Variants in RABGAP1L observed in about 807,000 individuals in gnomAD.
RABGAP1L encodes rab GTPase-activating protein 1-like.
Under a neutral mutation model 137.7 loss-of-function variants are expected in RABGAP1L, and 63 were observed. That is an observed-to-expected ratio of 0.46 (90% CI 0.37 to 0.56). RABGAP1L has a LOEUF of 0.56. RABGAP1L is among the 20% of genes least tolerant of loss of function. The pLI is 0.00. For synonymous variants in RABGAP1L, 431 were observed against 433.7 expected (o/e 0.99, Z 0.08); for missense variants, 1,095 against 1,244.0 (o/e 0.88, Z 1.80).
rs1252819720 is a variant in RABGAP1L at position 174,661,074 on chromosome 1, G to C, written c.1825-22448G>C. On this transcript the variant is annotated intron_variant, in intron 14 of 25. Coordinates refer to ENST00000681986, the MANE Select transcript of RABGAP1L (RefSeq NM_001366446.1). ...AGAAATGAAAGTTTAGGGAAGTTAA[G>C]TGATTCTAGTAAATGGCAGAGCTGG... Among the ~76,000 whole-genome samples the C allele has an allele frequency of 2.0e-5, 3 of 152,178 alleles. No homozygotes were observed. In the East Asian group the frequency reaches 5.8e-4, roughly 29 times the overall value.
chr1:174,887,040 A>G (rs1269897491), intron 19 of RABGAP1L, among the ~76,000 whole-genome samples: 2 of 152,064 alleles, frequency 1.3e-5, no homozygotes, highest in Non-Finnish European at 2.9e-5. Flanking sequence ...CCTGACCTCA[A>G]GTGATCTGCC....
intron 11 of RABGAP1L, among the ~76,000 whole-genome samples, 173 bp from the exon 12 acceptor site, chr1:174,370,806 C>T (rs1381221634): frequency 1.3e-5 from 2 of 151,760 alleles, no homozygotes; most frequent in Non-Finnish European, 1.5e-5. Context: ...TTTAAAATAT[C>T]TAGGCACTGA....
intron 13 of RABGAP1L, among the ~76,000 whole-genome samples, chr1:174,622,419 G>T (rs142376194): frequency 6.6e-6 from 1 of 152,094 alleles, no homozygotes; most frequent in South Asian, 2.1e-4. Context: ...GTTTATTGCG[G>T]CACTATTCAC....
chr1:174,982,111 AT>A (rs1286459670), intron 23 of RABGAP1L, among the ~76,000 whole-genome samples: 1 of 152,150 alleles, frequency 6.6e-6, no homozygotes, highest in African/African-American at 2.4e-5. Context: ...TTTTCTGGTC[AT>A]TTTAACTTTG....
intron 11 of RABGAP1L, among the ~76,000 whole-genome samples, chr1:174,342,140 TTTAATATG>T (rs1357728326): frequency 1.3e-4 from 20 of 152,146 alleles, no homozygotes; most frequent in African/African-American, 4.8e-4. Context: ...ATGGCTACAG[TTTAATATG>T]TTAATATGTT....
At chr1:174,929,220 TA>T (rs1663319655) in intron 19 of RABGAP1L, among the ~76,000 whole-genome samples, 1 of 151,928 alleles carries the variant, frequency 6.6e-6, no homozygotes, top group African/African-American at 2.4e-5. Context: ...ACAATAATAA[TA>T]AAAAAGAAGA....
chr1:174,850,708 ATT>A (rs1648162097), intron 19 of RABGAP1L, among the ~76,000 whole-genome samples: 1 of 152,162 alleles, frequency 6.6e-6, no homozygotes, highest in South Asian at 2.1e-4. Context: ...TGATTCTGTG[ATT>A]ATGTTTTGCC....
intron 1 of RABGAP1L, among the ~76,000 whole-genome samples, chr1:174,166,662 C>G (rs879559904): frequency 1.3e-5 from 2 of 152,200 alleles, no homozygotes; most frequent in Non-Finnish European, 2.9e-5. Context: ...AGTTGAAGTA[C>G]TGGTGGCAGT....
intron 13 of RABGAP1L, among the ~76,000 whole-genome samples, chr1:174,520,720 C>G (rs545842574): frequency 6.6e-6 from 1 of 152,156 alleles, no homozygotes; most frequent in African/African-American, 2.4e-5. Context: ...GTTTTAGTCT[C>G]GGCTGGGCAT....
chr1:174,887,846 C>T (rs1051011190), intron 19 of RABGAP1L, among the ~76,000 whole-genome samples: 1 of 151,944 alleles, frequency 6.6e-6, no homozygotes, highest in Non-Finnish European at 1.5e-5. Flanking sequence ...ACCAGCCTGG[C>T]CAACATAGCA....
At chr1:174,547,835 A>T in intron 13 of RABGAP1L, 1 of 1,516,856 alleles carries the variant, frequency 6.6e-7, no homozygotes. Context: ...TTTGTCTTTT[A>T]GCAACAGATG....
intron 12 of RABGAP1L, among the ~76,000 whole-genome samples, chr1:174,380,517 G>A (rs1173759778): frequency 6.6e-6 from 1 of 151,912 alleles, no homozygotes; most frequent in African/African-American, 2.4e-5. Flanking sequence ...TTAGTCTTGG[G>A]AGAGTGTATG....
chr1:174,627,665 C>T (rs1254633060), intron 13 of RABGAP1L, among the ~76,000 whole-genome samples: 1 of 152,130 alleles, frequency 6.6e-6, no homozygotes, highest in South Asian at 2.1e-4. Flanking sequence ...TAAGTTTAGT[C>T]TTACTACCTA....
chr1:174,801,318 T>C (rs974276501), intron 18 of RABGAP1L, among the ~76,000 whole-genome samples: 5 of 152,228 alleles, frequency 3.3e-5, no homozygotes, highest in African/African-American at 1.2e-4. Context: ...TTTTAGACTA[T>C]TTCCTCACTA....
At chr1:174,590,345 TTTA>T (rs1306080386) in intron 13 of RABGAP1L, among the ~76,000 whole-genome samples, 6 of 134,394 alleles carry the variant, frequency 4.5e-5, no homozygotes, top group Non-Finnish European at 3.3e-5. Flanking sequence ...TCTTTTTTTT[TTTA>T]TTTATTTTTT....
intron 14 of RABGAP1L, among the ~76,000 whole-genome samples, chr1:174,655,588 C>T (rs74633841): frequency 2.8e-4 from 43 of 152,222 alleles, no homozygotes; most frequent in Non-Finnish European, 6.0e-4. Context: ...GGCTACTCCA[C>T]GATGAAATTA....
intron 11 of RABGAP1L, among the ~76,000 whole-genome samples, chr1:174,306,497 G>A (rs1214796345): frequency 6.6e-6 from 1 of 152,164 alleles, no homozygotes; most frequent in Admixed American, 6.5e-5. Flanking sequence ...GTTTTGATTT[G>A]CATTTCTCTG....
At chr1:174,941,847 T>G (rs868568375) in intron 19 of RABGAP1L, among the ~76,000 whole-genome samples, 1 of 152,226 alleles carries the variant, frequency 6.6e-6, no homozygotes, top group Non-Finnish European at 1.5e-5. Flanking sequence ...TACACCATCA[T>G]AGAATGAGGC....
At chr1:174,683,060 T>A (rs1260762121) in intron 14 of RABGAP1L, among the ~76,000 whole-genome samples, 2 of 79,612 alleles carry the variant, frequency 2.5e-5, no homozygotes, top group African/African-American at 1.2e-4. Context: ...CTAAAGGGGT[T>A]TTTTTTTTTT....
Sources: allele counts gnomAD v4.1 joint callset (sites outside exome capture counted in the v4.1 genomes callset), GRCh38; gene constraint gnomAD v4.1.1; transcripts MANE v1.5; gene names NCBI Gene and HGNC (gene_info 2026-07-23, HGNC 2026-07-21).